The following MYO1B variants were observed in gnomAD, a reference collection of about 807,000 sequenced individuals.
MYO1B encodes the protein myosin IB, also known as unconventional myosin-Ib.
Under a neutral mutation model 159.7 loss-of-function variants are expected in MYO1B, and 72 were observed. That is an observed-to-expected ratio of 0.45 (90% CI 0.37 to 0.55). The LOEUF is 0.55. MYO1B is among the 20% of genes least tolerant of loss of function. The probability of loss-of-function intolerance (pLI) is 0.00; values close to 1 mark genes in which losing one functional copy is unlikely to be tolerated. For synonymous variants in MYO1B, 468 were observed against 473.8 expected, an observed-to-expected ratio of 0.99 and a Z score of 0.16; for missense variants, 1,062 against 1,364.8, an observed-to-expected ratio of 0.78 and a Z score of 3.50.
At chr2:191,393,831 T>C (rs1264191123) in intron 20 of MYO1B, among the ~76,000 whole-genome samples, 1 of 152,210 alleles carries the variant, frequency 6.6e-6, no homozygotes, top group Non-Finnish European at 1.5e-5. Context: ...CCTCATTTGA[T>C]TGTAGAGATT....
intron 1 of MYO1B, among the ~76,000 whole-genome samples, chr2:191,274,024 A>G (rs1687609636): frequency 1.3e-5 from 2 of 152,204 alleles, no homozygotes; most frequent in African/African-American, 2.4e-5. Context: ...CCACCATAAG[A>G]AGATATGGAA....
At chr2:191,366,255 G>A (rs536105180) in intron 11 of MYO1B, among the ~76,000 whole-genome samples, 1 of 152,276 alleles carries the variant, frequency 6.6e-6, no homozygotes, top group African/African-American at 2.4e-5. Context: ...CCAGGCCCAG[G>A]TGCCTCTGAC....
At chr2:191,272,710 G>T (rs989269892) in intron 1 of MYO1B, among the ~76,000 whole-genome samples, 1 of 152,028 alleles carries the variant, frequency 6.6e-6, no homozygotes. Flanking sequence ...CCATACTCTG[G>T]CATCTTGAAT....
intron 1 of MYO1B, among the ~76,000 whole-genome samples, chr2:191,249,765 A>G (rs989578647): frequency 2.0e-5 from 3 of 152,210 alleles, no homozygotes; most frequent in Non-Finnish European, 4.4e-5. Context: ...AAGCTAGGAC[A>G]CCATTTGGGG....
chr2:191,308,592 A>G (rs960444526), intron 3 of MYO1B, among the ~76,000 whole-genome samples: 2 of 151,918 alleles, frequency 1.3e-5, no homozygotes, highest in East Asian at 1.9e-4. Flanking sequence ...ACATGCTGCA[A>G]TGTTTCTCTT....
At position 191,344,075 on chromosome 2, in the gene MYO1B, T is replaced by G. The variant is rs935079845; in HGVS notation, c.452-2161T>G. On this transcript the variant is annotated intron_variant, in intron 5 of 30. Coordinates refer to ENST00000392318, the MANE Select transcript of MYO1B (RefSeq NM_001130158.3). ...ATAAAGTTTCTTTGAAGCAATTCCTTCACTTGCCCCTGACCTTCAAGCCAC... is the reference window on the plus strand; with the variant it reads ...ATAAAGTTTCTTTGAAGCAATTCCTGCACTTGCCCCTGACCTTCAAGCCAC... 1.7e-4 allele frequency among the ~76,000 whole-genome samples: 26 copies of G among 152,200 alleles called. 2 individuals carry two copies. The highest frequency in any genetic ancestry group is 9.2e-4 in the Admixed American group (14 of 15,278).
At chr2:191,383,509 T>TATATATATAC (rs1695205153) in intron 15 of MYO1B, among the ~76,000 whole-genome samples, 167 bp downstream of exon 15, 2 of 105,978 alleles carry the variant, frequency 1.9e-5, no homozygotes, top group Admixed American at 9.7e-5. Context: ...TATATATATA[T>TATATATATAC]ACACGTACAC....
chr2:191,365,883 C>T (rs1346462708), intron 11 of MYO1B, among the ~76,000 whole-genome samples: 1 of 152,206 alleles, frequency 6.6e-6, no homozygotes, highest in South Asian at 2.1e-4. Flanking sequence ...AGTGGCAAAT[C>T]TGCACCAGTA....
At chr2:191,358,978 C>T (rs569724523) in intron 7 of MYO1B, among the ~76,000 whole-genome samples, 2 of 152,340 alleles carry the variant, frequency 1.3e-5, no homozygotes, top group African/African-American at 4.8e-5. Context: ...TGGATGAAGT[C>T]AAATGTAGCA....
At chr2:191,299,206 G>T (rs1689159252) in intron 3 of MYO1B, among the ~76,000 whole-genome samples, 1 of 152,146 alleles carries the variant, frequency 6.6e-6, no homozygotes, top group Non-Finnish European at 1.5e-5. Context: ...GCATGGCACT[G>T]CTACTCTAGT....
intron 1 of MYO1B, among the ~76,000 whole-genome samples, chr2:191,257,663 TA>T (rs1285438099): frequency 1.3e-5 from 2 of 152,336 alleles, no homozygotes; most frequent in East Asian, 3.9e-4. Context: ...AGTGGCATTT[TA>T]TAAGTATCTT....
chr2:191,339,180 A>G (rs1324245084), intron 4 of MYO1B, among the ~76,000 whole-genome samples: 1 of 152,156 alleles, frequency 6.6e-6, no homozygotes, highest in Non-Finnish European at 1.5e-5. Context: ...ATAGCACCGG[A>G]TGTTAGGAAC....
chr2:191,376,338 C>A (rs1694709936), intron 13 of MYO1B, among the ~76,000 whole-genome samples: 1 of 152,046 alleles, frequency 6.6e-6, no homozygotes. Flanking sequence ...GTTTTGGAGC[C>A]TGTTTCTTGA....
At chr2:191,398,827 G>A (rs866363995) in intron 21 of MYO1B, among the ~76,000 whole-genome samples, 2,325 of 151,486 alleles carry the variant, frequency 0.015, 41 homozygotes, top group African/African-American at 0.053. Flanking sequence ...GACGATGGGC[G>A]GCCAGGCAGA....
chr2:191,335,724 A>G lies in MYO1B; in HGVS notation c.346+5695A>G, dbSNP rs1404531736. Reference sequence around the variant, plus strand: ...CTCCTTTCAATAAAAGTCTTTACTTAATAGTTTGTATAGAACCACCATGTA... The same window carrying G: ...CTCCTTTCAATAAAAGTCTTTACTTGATAGTTTGTATAGAACCACCATGTA... On this transcript the variant is annotated intron_variant, in intron 4 of 30. Coordinates refer to ENST00000392318, the MANE Select transcript of MYO1B (RefSeq NM_001130158.3). Among the ~76,000 whole-genome samples the G allele has an allele frequency of 3.3e-5, 5 of 152,356 alleles. 1 individual carries two copies. In the South Asian group the frequency reaches 1.0e-3, roughly 32 times the overall value.
chr2:191,400,498 G>T lies in MYO1B; in HGVS notation c.2382+30G>T, dbSNP rs1221605782. On this transcript the variant is annotated intron_variant, in intron 22 of 30. Coordinates refer to ENST00000392318, the MANE Select transcript of MYO1B (RefSeq NM_001130158.3). ...GCCCGAGACCCCAAGGAAGGCGGTGGGTCAGCAGTAACGTCATGTGGAACC... is the reference window on the plus strand; with the variant it reads ...GCCCGAGACCCCAAGGAAGGCGGTGTGTCAGCAGTAACGTCATGTGGAACC... 3 of 1,610,872 alleles carry T rather than the reference G, an allele frequency of 1.9e-6. No homozygotes were observed. The East Asian group carries it at 6.7e-5, about 36-fold the overall frequency.
At chr2:191,249,109 C>T (rs1685964442) in intron 1 of MYO1B, among the ~76,000 whole-genome samples, 1 of 152,198 alleles carries the variant, frequency 6.6e-6, no homozygotes, top group Admixed American at 6.5e-5. Flanking sequence ...TTATATTGCA[C>T]TCAAGGCTTT....
chr2:191,269,050 C>T (rs947282302), intron 1 of MYO1B, among the ~76,000 whole-genome samples: 5 of 152,162 alleles, frequency 3.3e-5, no homozygotes, highest in Non-Finnish European at 5.9e-5. Context: ...TTTAAGTGTA[C>T]AGTTTAGTCA....
At chr2:191,290,160 C>T (rs1423439585) in intron 2 of MYO1B, among the ~76,000 whole-genome samples, 1 of 152,190 alleles carries the variant, frequency 6.6e-6, no homozygotes, top group Non-Finnish European at 1.5e-5. Flanking sequence ...CCATGGGGCT[C>T]TTGGGTCTTA....
Sources: gnomAD v4.1 joint callset for allele counts (sites outside exome capture counted in the v4.1 genomes callset) on GRCh38, gnomAD v4.1.1 for gene constraint, MANE v1.5 for transcripts, NCBI Gene and HGNC (gene_info 2026-07-23, HGNC 2026-07-21) for gene names.